Variants in NUS1 observed in about 807,000 individuals in gnomAD.
The protein encoded by NUS1 is dehydrodolichyl diphosphate synthase complex subunit NUS1.
For synonymous variants in NUS1, 135 were observed against 155.2 expected (o/e 0.87, Z 0.97); for missense variants, 292 against 382.9 (o/e 0.76, Z 1.98).
chr6:117,695,216 A>AAAAAAG (rs1562179929), intron 3 of NUS1, among the ~76,000 whole-genome samples: 3 of 151,370 alleles, frequency 2.0e-5, no homozygotes, highest in African/African-American at 4.8e-5. Flanking sequence ...AAAAAAAAAA[A>AAAAAAG]AAAAAGAAAA....
intron 4 of NUS1, among the ~76,000 whole-genome samples, chr6:117,706,577 T>C (rs1191569711): frequency 1.3e-5 from 2 of 152,234 alleles, no homozygotes; most frequent in Non-Finnish European, 1.5e-5. Flanking sequence ...TTGTCCACAA[T>C]GAGCTGAACA....
At chr6:117,683,409 G>A (rs1451822678) in intron 1 of NUS1, among the ~76,000 whole-genome samples, 2 of 152,038 alleles carry the variant, frequency 1.3e-5, no homozygotes, top group African/African-American at 4.8e-5. Flanking sequence ...AATTTTAATG[G>A]TAGATTTTTT....
Position 117,675,815 on chromosome 6 carries a change from C to T in NUS1, c.145C>T (p.Leu49=), listed in dbSNP as rs1255963298. 2 of 1,557,652 alleles carry T rather than the reference C, an allele frequency of 1.3e-6. No individual in the cohort carries two copies. The highest frequency in any genetic ancestry group is 1.4e-5 in the African/African-American group (1 of 73,718). ...CTGCCGCGCCGCCTCTGCCGCGGTC[C>T]TAGCGCCGCTCGGCTTCACGCTCCG... The part of the protein sequence containing the change: ...RCCRAASAAV[L]APLGFTLRKP... Residue 49 remains leucine, a synonymous_variant, in exon 1 of 5, where the codon CTA becomes TTA. Coordinates refer to ENST00000368494, the MANE Select transcript of NUS1 (RefSeq NM_138459.5).
Position 117,707,608 on chromosome 6 carries a change from A to G in NUS1, c.*593A>G, listed in dbSNP as rs1773519551. The stretch of plus-strand genomic sequence containing the variant: ...GATATCCGTCCATTTTCATCTCTTA[A>G]TTGTAGTCAAAAGTATGACTTGAGA... On this transcript the variant is annotated 3_prime_UTR_variant, in exon 5 of 5. Coordinates refer to ENST00000368494, the MANE Select transcript of NUS1 (RefSeq NM_138459.5). 7.2e-6 allele frequency: 1 copy of G among 138,636 alleles called. No individual in the cohort carries two copies. Among genetic ancestry groups the G allele is most frequent in the Admixed American group, 7.6e-5 (1 of 13,202 alleles). The allele number at this position is 138,636 out of a possible 1,614,324, so 8.6% of individuals were successfully genotyped here.
At chr6:117,689,183 A>T (rs559719781) in intron 1 of NUS1, among the ~76,000 whole-genome samples, 1 of 152,188 alleles carries the variant, frequency 6.6e-6, no homozygotes, top group Non-Finnish European at 1.5e-5. Context: ...ATTAATGGTA[A>T]TGCTTCAGAG....
rs540657294 is a variant in NUS1, at chr6:117,697,674, C to G, written c.691+3494C>G. 1.3e-4 allele frequency among the ~76,000 whole-genome samples: 20 copies of G among 151,366 alleles called. No individual in the cohort carries two copies. The East Asian group carries it at 3.9e-3, about 30-fold the overall frequency. On this transcript the variant is annotated intron_variant, in intron 3 of 4. Coordinates refer to ENST00000368494, the MANE Select transcript of NUS1 (RefSeq NM_138459.5). ...ATATATAAAGCCAATATTAATAGAG[C>G]TAAAGAAAGAGAGAGAGAGAGACCC... is the stretch of plus-strand genomic sequence containing the variant.
At chr6:117,706,041 G>C (rs1327677438) in intron 4 of NUS1, among the ~76,000 whole-genome samples, 3 of 152,248 alleles carry the variant, frequency 2.0e-5, no homozygotes, top group Non-Finnish European at 4.4e-5. Context: ...GACTCTGACT[G>C]TGACTCTTCT....
chr6:117,683,385 C>T (rs1469249047), intron 1 of NUS1, among the ~76,000 whole-genome samples: 1 of 152,120 alleles, frequency 6.6e-6, no homozygotes, highest in Non-Finnish European at 1.5e-5. Context: ...CTTATGACTA[C>T]TTCAGTCATG....
chr6:117,698,562 A>G (rs1773353687), intron 3 of NUS1, among the ~76,000 whole-genome samples: 1 of 152,122 alleles, frequency 6.6e-6, no homozygotes, highest in South Asian at 2.1e-4. Flanking sequence ...TCATGACTTG[A>G]TGGCTTCATT....
intron 1 of NUS1, among the ~76,000 whole-genome samples, chr6:117,685,661 T>C (rs1231446631): frequency 2.0e-5 from 3 of 152,182 alleles, no homozygotes; most frequent in Non-Finnish European, 4.4e-5. Flanking sequence ...CCCATTTAAC[T>C]TTTTTCTTTA....
rs886037858 is a variant in NUS1 at position 117,707,002 on chromosome 6, G to A, written c.869G>A (p.Arg290His). Reference sequence around the variant, plus strand: ...CGTCAATATGCAGCCTGTGAACAGCGTCTGGGAAAGTAGTGGTCATTGGTT... The same window carrying A: ...CGTCAATATGCAGCCTGTGAACAGCATCTGGGAAAGTAGTGGTCATTGGTT... ...ALRQYAACEQ[R>H]LGK Residue 290 changes from arginine (R) to histidine (H), a missense_variant, in exon 5 of 5, where the codon CGT becomes CAT. Coordinates refer to ENST00000368494, the MANE Select transcript of NUS1 (RefSeq NM_138459.5). The A allele has an allele frequency of 3.1e-6, 5 of 1,612,288 alleles. No homozygotes were observed. Among genetic ancestry groups the A allele is most frequent in the Admixed American group, 1.7e-5 (1 of 59,954 alleles).
At chr6:117,693,846 A>G (rs571627995) in intron 2 of NUS1, among the ~76,000 whole-genome samples, 185 bp from the exon 3 acceptor site, 2 of 152,330 alleles carry the variant, frequency 1.3e-5, no homozygotes, top group East Asian at 3.9e-4. Flanking sequence ...TTTGGGATAT[A>G]TGGATCCTTT....
intron 1 of NUS1, among the ~76,000 whole-genome samples, chr6:117,682,786 A>G (rs1000244665): frequency 1.3e-5 from 2 of 152,236 alleles, no homozygotes; most frequent in Non-Finnish European, 2.9e-5. Context: ...TTTTTATTCT[A>G]GAGCTTTTGT....
intron 1 of NUS1, among the ~76,000 whole-genome samples, chr6:117,691,927 A>G (rs1773228460): frequency 6.6e-6 from 1 of 151,802 alleles, no homozygotes; most frequent in South Asian, 2.1e-4. Context: ...AGACTTTCCC[A>G]TCTTAATCTT....
intron 1 of NUS1, among the ~76,000 whole-genome samples, chr6:117,685,262 A>G (rs1047646237): frequency 2.6e-5 from 4 of 151,586 alleles, no homozygotes; most frequent in Admixed American, 6.6e-5. Flanking sequence ...TTTTACTTTT[A>G]TTTTTTTCAA....
At chr6:117,706,808 G>T (rs1773507508) in intron 4 of NUS1, 117 bp from the exon 5 acceptor site, 1 of 761,174 alleles carries the variant, frequency 1.3e-6, no homozygotes, top group East Asian at 2.6e-5. Context: ...GTGCTGTCTG[G>T]TGGAGGATAA....
intron 1 of NUS1, among the ~76,000 whole-genome samples, chr6:117,676,802 T>C (rs1472908814): frequency 6.6e-6 from 1 of 152,230 alleles, no homozygotes; most frequent in Non-Finnish European, 1.5e-5. Flanking sequence ...TACACCACAC[T>C]GTTTCTTTAA....
chr6:117,693,245 G>A, intron 2 of NUS1, 78 bp downstream of exon 2: 1 of 1,378,884 alleles, frequency 7.3e-7, no homozygotes, highest in East Asian at 2.3e-5. Flanking sequence ...CTGTTACTCT[G>A]TCATTTATTC....
rs1240631664 is a variant in NUS1, at chr6:117,703,636, A to G, written c.723A>G (p.Val241=). 2 of 1,613,710 alleles carry G rather than the reference A, an allele frequency of 1.2e-6. No individual in the cohort carries two copies. Among genetic ancestry groups the G allele is most frequent in the Non-Finnish European group, 8.5e-7 (1 of 1,179,748 alleles). ...SSNGCPDPDL[V]LKFGPVDSTL... The stretch of plus-strand genomic sequence containing the variant: ...ATGGTTGTCCTGATCCTGATTTAGT[A>G]TTGAAGTTCGGTCCTGTGGACAGCA... The change falls in exon 4 of 5, where the codon GTA becomes GTG. Residue 241 remains valine, a synonymous_variant. Transcript: ENST00000368494.
Sources: gnomAD v4.1 joint callset for allele counts (sites outside exome capture counted in the v4.1 genomes callset) on GRCh38, gnomAD v4.1.1 for gene constraint, MANE v1.5 for transcripts, NCBI Gene and HGNC (gene_info 2026-07-23, HGNC 2026-07-21) for gene names.